GALNT13: variants seen among roughly 807,000 people sequenced by gnomAD.
The protein encoded by GALNT13 is UDP-GalNAc:polypeptide N-acetylgalactosaminyltransferase 13.
A neutral mutation model predicts 64.2 loss-of-function variants in GALNT13; 28 were observed. The observed-to-expected ratio is 0.44, with a 90% CI of 0.32 to 0.60. The LOEUF (loss-of-function observed/expected upper bound fraction) is 0.60. GALNT13 is among the 20% of genes least tolerant of loss of function. GALNT13 has a pLI of 0.05. For missense variants in GALNT13, 577 were observed against 669.8 expected (o/e 0.86, Z 1.53); for synonymous variants, 214 against 224.6 (o/e 0.95, Z 0.42).
intron 3 of GALNT13, among the ~76,000 whole-genome samples, chr2:154,044,351 A>T (rs1045909435): frequency 2.0e-5 from 3 of 152,214 alleles, no homozygotes; most frequent in Admixed American, 6.5e-5. Context: ...CTCGTCAATT[A>T]TCTGAAGGAT....
the GALNT13 span, among the ~76,000 whole-genome samples, chr2:153,715,110 C>T: frequency 1.8e-4 from 28 of 152,316 alleles, no homozygotes; most frequent in African/African-American, 6.7e-4. Flanking sequence ...GAATAGGAGG[C>T]ATCAGGATTT....
At chr2:154,441,691 T>G (rs1701305633) in intron 12 of GALNT13, 1 of 152,026 alleles carries the variant, frequency 6.6e-6, no homozygotes, top group Admixed American at 6.6e-5. Context: ...CTTTCAATCT[T>G]AGAAAAGAAA....
the GALNT13 span, among the ~76,000 whole-genome samples, chr2:153,765,310 C>T: frequency 1.3e-5 from 2 of 152,078 alleles, no homozygotes; most frequent in Non-Finnish European, 2.9e-5. Flanking sequence ...CTGCCTAAGC[C>T]CATGGGAGCC....
At chr2:153,137,989 T>C in the GALNT13 span, among the ~76,000 whole-genome samples, 7 of 152,104 alleles carry the variant, frequency 4.6e-5, no homozygotes, top group Non-Finnish European at 8.8e-5. Context: ...CTTCCTACCA[T>C]GTTAATTTAA....
chr2:153,212,920 T>G, the GALNT13 span, among the ~76,000 whole-genome samples: 1 of 152,238 alleles, frequency 6.6e-6, no homozygotes, highest in Non-Finnish European at 1.5e-5. Flanking sequence ...TATTAGAAAC[T>G]AGATTTTTCT....
At chr2:154,056,873 A>G (rs115922594) in intron 3 of GALNT13, among the ~76,000 whole-genome samples, 1,643 of 152,004 alleles carry the variant, frequency 0.011, 35 homozygotes, top group African/African-American at 0.037. Context: ...TTGAAGAATA[A>G]TATAAATTAA....
chr2:153,254,658 G>T, the GALNT13 span, among the ~76,000 whole-genome samples: 1 of 151,892 alleles, frequency 6.6e-6, no homozygotes, highest in Non-Finnish European at 1.5e-5. Flanking sequence ...CAGAGATTCT[G>T]GTATGTTGTG....
the GALNT13 span, among the ~76,000 whole-genome samples, chr2:153,284,824 A>G: frequency 1.3e-5 from 2 of 151,938 alleles, no homozygotes; most frequent in Admixed American, 1.3e-4. Context: ...GAACTGATCT[A>G]TTTCCAAGTA....
chr2:153,498,941 G>A, the GALNT13 span, among the ~76,000 whole-genome samples: 2 of 151,880 alleles, frequency 1.3e-5, no homozygotes, highest in Admixed American at 1.3e-4. Context: ...TCCGCCTCCC[G>A]GGTTCACTCC....
chr2:153,103,952 A>G, the GALNT13 span, among the ~76,000 whole-genome samples: 1 of 152,154 alleles, frequency 6.6e-6, no homozygotes, highest in East Asian at 1.9e-4. Flanking sequence ...CTAATGATAC[A>G]TTATATTCTT....
intron 3 of GALNT13, among the ~76,000 whole-genome samples, chr2:154,114,071 C>T (rs953210772): frequency 5.3e-5 from 8 of 152,296 alleles, no homozygotes; most frequent in African/African-American, 9.6e-5. Flanking sequence ...GAGAGTTGAA[C>T]GGGGATGTGG....
intron 3 of GALNT13, among the ~76,000 whole-genome samples, chr2:153,999,242 A>G (rs774428701): frequency 1.3e-4 from 19 of 151,008 alleles, no homozygotes; most frequent in Non-Finnish European, 2.2e-4. Flanking sequence ...CAGAAATAAC[A>G]TGACACATCT....
chr2:153,405,533 A>G, the GALNT13 span, among the ~76,000 whole-genome samples: 1 of 152,116 alleles, frequency 6.6e-6, no homozygotes, highest in Non-Finnish European at 1.5e-5. Context: ...AAGCTGAACT[A>G]TTTTCCACGC....
At chr2:153,350,118 T>C in the GALNT13 span, among the ~76,000 whole-genome samples, 15 of 152,174 alleles carry the variant, frequency 9.9e-5, no homozygotes, top group Non-Finnish European at 1.9e-4. Context: ...GGCTGTATCA[T>C]ACTTATTTTA....
Position 154,452,011 on chromosome 2 carries a change from C to T in GALNT13, c.*1460C>T, listed in dbSNP as rs183898826. 2.6e-5 allele frequency: 4 copies of T among 152,146 alleles called. No homozygotes were observed. The East Asian group carries it at 7.7e-4, about 29-fold the overall frequency. 9.4% of individuals were successfully genotyped at this position (152,146 alleles called of 1,614,324 possible). A position where few individuals can be genotyped will look rare whatever the true frequency, so the allele number is the denominator to read the frequency against. ...ACTATGTCTCTGACATGCACATACA[C>T]TGCTTTATAATGAAAATGAGGACAC... is the stretch of plus-strand genomic sequence containing the variant. On this transcript the variant is annotated 3_prime_UTR_variant, in exon 13 of 13. Coordinates refer to ENST00000392825, the MANE Select transcript of GALNT13 (RefSeq NM_052917.4).
At chr2:153,915,245 C>T (rs1316424842) in intron 2 of GALNT13, among the ~76,000 whole-genome samples, 1 of 152,122 alleles carries the variant, frequency 6.6e-6, no homozygotes, top group Non-Finnish European at 1.5e-5. Flanking sequence ...CCCTAAAAGG[C>T]TAAATTTTGC....
chr2:154,290,484 G>A (rs994147310), intron 8 of GALNT13, among the ~76,000 whole-genome samples: 2 of 152,214 alleles, frequency 1.3e-5, no homozygotes, highest in South Asian at 2.1e-4. Flanking sequence ...GTACATACAG[G>A]ACATGCCTTC....
At chr2:153,901,061 GCAGA>G (rs923004969) in intron 2 of GALNT13, 54 bp downstream of exon 2, 1 of 151,998 alleles carries the variant, frequency 6.6e-6, no homozygotes, top group African/African-American at 2.4e-5. Context: ...GATTAATTTG[GCAGA>G]CAGTCATGAA....
At chr2:153,685,449 C>T in the GALNT13 span, among the ~76,000 whole-genome samples, 3 of 151,934 alleles carry the variant, frequency 2.0e-5, no homozygotes, top group African/African-American at 7.2e-5. Flanking sequence ...GATTGTTGGC[C>T]ACATGTAAGT....
Sources: allele counts gnomAD v4.1 joint callset (sites outside exome capture counted in the v4.1 genomes callset), GRCh38; gene constraint gnomAD v4.1.1; transcripts MANE v1.5; gene names NCBI Gene and HGNC (gene_info 2026-07-23, HGNC 2026-07-21).